ITPKB: variants seen among roughly 807,000 people sequenced by gnomAD.
ITPKB encodes the protein inositol-trisphosphate 3-kinase B, also known as IP3 3-kinase B.
A neutral mutation model predicts 69.4 loss-of-function variants in ITPKB; 13 were observed. The observed-to-expected ratio is 0.19, with a 90% CI of 0.12 to 0.30. The LOEUF is 0.30. ITPKB is among the 10% of genes least tolerant of loss of function. The probability of loss-of-function intolerance (pLI) is 1.00; values close to 1 mark genes in which losing one functional copy is unlikely to be tolerated. For synonymous variants in ITPKB, 584 were observed against 513.7 expected (o/e 1.14, Z -1.85); for missense variants, 1,240 against 1,250.5 (o/e 0.99, Z 0.13).
At chr1:226,646,984 TC>T (rs1219608397) in intron 4 of ITPKB, among the ~76,000 whole-genome samples, 182 bp downstream of exon 4, 1 of 152,194 alleles carries the variant, frequency 6.6e-6, no homozygotes, top group Non-Finnish European at 1.5e-5. Context: ...AAAGCCCAGG[TC>T]CCGGAACCCT....
At chr1:226,700,446 CAACGG>C (rs1480835566) in intron 2 of ITPKB, among the ~76,000 whole-genome samples, 2 of 108,814 alleles carry the variant, frequency 1.8e-5, no homozygotes, top group African/African-American at 3.7e-5. Flanking sequence ...TCCAGCCTGG[CAACGG>C]AGCAAGACTC....
At chr1:226,712,546 G>A (rs1210401957) in intron 2 of ITPKB, among the ~76,000 whole-genome samples, 1 of 152,202 alleles carries the variant, frequency 6.6e-6, no homozygotes, top group Non-Finnish European at 1.5e-5. Flanking sequence ...TTTACAGCCG[G>A]GAAACAAAGA....
chr1:226,692,260 C>T lies in ITPKB; in HGVS notation c.1932+43267G>A, dbSNP rs1422348163. On this transcript the variant is annotated intron_variant, in intron 2 of 7. Transcript: ENST00000429204. ...TCAAAATCATGTGGGTTTTTTTTTT[C>T]CCCTGGTTCTTGTTTTTTATAATCC... is the stretch of plus-strand genomic sequence containing the variant. Among the ~76,000 whole-genome samples, 4 of 150,478 alleles carry T rather than the reference C, an allele frequency of 2.7e-5. No homozygotes were observed. In the South Asian group the frequency reaches 6.3e-4, roughly 24 times the overall value.
At chr1:226,701,603 C>CAAAAAAA (rs58756019) in intron 2 of ITPKB, among the ~76,000 whole-genome samples, 2 of 44,864 alleles carry the variant, frequency 4.5e-5, no homozygotes, top group Non-Finnish European at 8.8e-5. Context: ...GACTCCGTCT[C>CAAAAAAA]AAAAAAAAAA....
chr1:226,682,172 C>A (rs548736439), intron 2 of ITPKB, among the ~76,000 whole-genome samples: 17 of 152,288 alleles, frequency 1.1e-4, no homozygotes, highest in South Asian at 8.3e-4. Context: ...GGTCCCCCCC[C>A]GCCCCGAGAT....
chr1:226,648,547 A>G (rs199711251), intron 3 of ITPKB, 125 bp downstream of exon 3: 1 of 707,350 alleles, frequency 1.4e-6, no homozygotes, highest in South Asian at 1.6e-5. Flanking sequence ...TGTGGCTGTG[A>G]TTTCAGACTA....
At chr1:226,661,236 C>A (rs1669397492) in intron 2 of ITPKB, among the ~76,000 whole-genome samples, 1 of 152,200 alleles carries the variant, frequency 6.6e-6, no homozygotes, top group Admixed American at 6.5e-5. Context: ...TAAGGCAGGG[C>A]AGGAGCGCAG....
At chr1:226,693,980 G>A (rs1268310056) in intron 2 of ITPKB, among the ~76,000 whole-genome samples, 1 of 152,206 alleles carries the variant, frequency 6.6e-6, no homozygotes, top group Non-Finnish European at 1.5e-5. Flanking sequence ...CCTTTAAGAG[G>A]TGTCAGAGGA....
chr1:226,639,877 G>A (rs1240150328), intron 5 of ITPKB, among the ~76,000 whole-genome samples: 1 of 152,230 alleles, frequency 6.6e-6, no homozygotes, highest in Non-Finnish European at 1.5e-5. Context: ...AGAGGGTGGC[G>A]CTGACATCCC....
chr1:226,737,671 G>C lies in ITPKB; in HGVS notation c.-205-8C>G. On this transcript the variant is annotated splice_polypyrimidine_tract_variant and splice_region_variant and intron_variant, in intron 1 of 7. Coordinates refer to ENST00000429204, the MANE Select transcript of ITPKB (RefSeq NM_002221.4). ...CCATAAACAACCGTGCGGCTGTGGAGATACAAGGAGAAAAGTCAGGACCCT... is the reference window on the plus strand; with the variant it reads ...CCATAAACAACCGTGCGGCTGTGGACATACAAGGAGAAAAGTCAGGACCCT... 2.0e-6 allele frequency: 2 copies of C among 1,009,946 alleles called. No individual in the cohort carries two copies. The highest frequency in any genetic ancestry group is 2.4e-6 in the Non-Finnish European group (2 of 827,600). 62.6% of individuals were successfully genotyped at this position (1,009,946 alleles called of 1,614,324 possible).
intron 2 of ITPKB, among the ~76,000 whole-genome samples, chr1:226,695,417 G>C (rs2102783840): frequency 6.6e-6 from 1 of 152,258 alleles, no homozygotes; most frequent in South Asian, 2.1e-4. Context: ...GGCACTCATG[G>C]CATTTTATGG....
chr1:226,725,896 T>C (rs1368868150), intron 2 of ITPKB, among the ~76,000 whole-genome samples: 1 of 152,240 alleles, frequency 6.6e-6, no homozygotes, highest in Non-Finnish European at 1.5e-5. Context: ...GAACTGGCTC[T>C]GCTGTGGACG....
At chr1:226,694,310 C>T (rs927942131) in intron 2 of ITPKB, among the ~76,000 whole-genome samples, 1 of 152,210 alleles carries the variant, frequency 6.6e-6, no homozygotes, top group South Asian at 2.1e-4. Flanking sequence ...GTTAGAACAA[C>T]TATACCCCTA....
chr1:226,642,193 G>T lies in ITPKB; in HGVS notation c.2247-68C>A. On this transcript the variant is annotated intron_variant, in intron 4 of 7. Transcript: ENST00000429204. This position sits in a 1 kb window ranked among gnomAD's most constrained non-coding sequence, Gnocchi z 6.4. The stretch of plus-strand genomic sequence containing the variant: ...AGGGCTCACCAGCAGCTCCTTTCCT[G>T]CCTGGTGGATGAAGGTTTGGGGCGT... 1 of 1,320,636 alleles carries T rather than the reference G, an allele frequency of 7.6e-7. No homozygotes were observed. Among genetic ancestry groups the T allele is most frequent in the Non-Finnish European group, 1.1e-6 (1 of 941,960 alleles). 81.8% of individuals were successfully genotyped at this position (1,320,636 alleles called of 1,614,324 possible). A position where few individuals can be genotyped will look rare whatever the true frequency, so the allele number is the denominator to read the frequency against.
intron 2 of ITPKB, among the ~76,000 whole-genome samples, chr1:226,674,594 A>G (rs1379071461): frequency 6.6e-6 from 1 of 152,134 alleles, no homozygotes; most frequent in African/African-American, 2.4e-5. Flanking sequence ...TTGGCCTCCC[A>G]AAGTGCTGGG....
intron 2 of ITPKB, among the ~76,000 whole-genome samples, chr1:226,684,601 T>C (rs1656159161): frequency 6.6e-6 from 1 of 152,182 alleles, no homozygotes; most frequent in African/African-American, 2.4e-5. Flanking sequence ...CAGGGTCCTT[T>C]CCACAATAGA....
At chr1:226,727,793 T>C (rs1657469695) in intron 2 of ITPKB, among the ~76,000 whole-genome samples, 1 of 152,122 alleles carries the variant, frequency 6.6e-6, no homozygotes, top group African/African-American at 2.4e-5. Context: ...AGAAGAGTTC[T>C]CCTTGGCCAA....
At chr1:226,699,190 G>A (rs536346913) in intron 2 of ITPKB, among the ~76,000 whole-genome samples, 19 of 152,242 alleles carry the variant, frequency 1.2e-4, no homozygotes, top group Non-Finnish European at 2.4e-4. Context: ...TGTTCTGTAG[G>A]AAGGCTGAAG....
Position 226,642,237 on chromosome 1 carries a change from AGTCAGCTCAGTGCCCTGAGTCAAGGCAC to A in ITPKB, c.2247-140_2247-113del. 1 of 800,494 alleles carries A rather than the reference AGTCAGCTCAGTGCCCTGAGTCAAGGCAC, an allele frequency of 1.2e-6. No individual in the cohort carries two copies. Among genetic ancestry groups the A allele is most frequent in the Non-Finnish European group, 2.0e-6 (1 of 493,170 alleles). 49.6% of individuals were successfully genotyped at this position (800,494 alleles called of 1,614,324 possible). Reference sequence around the variant, plus strand: ...GGGGCGTGTGTTGCCCAACAGCTGCAGTCAGCTCAGTGCCCTGAGTCAAGGCACGTCTTTCCGAGGGGACGGCAGACTC... The same window carrying A: ...GGGGCGTGTGTTGCCCAACAGCTGCAGTCTTTCCGAGGGGACGGCAGACTC... On this transcript the variant is annotated intron_variant, in intron 4 of 7. Coordinates refer to ENST00000429204, the MANE Select transcript of ITPKB (RefSeq NM_002221.4). This position sits in a 1 kb window ranked among gnomAD's most constrained non-coding sequence, Gnocchi z 6.4.
Sources: allele counts gnomAD v4.1 joint callset (sites outside exome capture counted in the v4.1 genomes callset), GRCh38; gene constraint gnomAD v4.1.1; non-coding constraint Gnocchi (gnomAD v3.1); transcripts MANE v1.5; gene names NCBI Gene and HGNC (gene_info 2026-07-23, HGNC 2026-07-21).